MCM8: variants seen among roughly 807,000 people sequenced by gnomAD.
The protein encoded by MCM8 is minichromosome maintenance 8 homologous recombination repair factor.
Under a neutral mutation model 98.9 loss-of-function variants are expected in MCM8, and 85 were observed. That is an observed-to-expected ratio of 0.86 (90% CI 0.72 to 1.03). The LOEUF (loss-of-function observed/expected upper bound fraction) is 1.03, where lower values mean the gene tolerates loss of function less well. Among genes scored for constraint, MCM8 ranks in the 50% least tolerant of loss-of-function variants. The pLI, the probability that MCM8 is intolerant of heterozygous loss-of-function variation, is 0.00. For missense variants in MCM8, 951 were observed against 997.8 expected, an observed-to-expected ratio of 0.95 and a Z score of 0.63; for synonymous variants, 352 against 338.6, an observed-to-expected ratio of 1.04 and a Z score of -0.44.
chr20:5,989,664 G>T (rs933338335), intron 17 of MCM8, among the ~76,000 whole-genome samples: 2 of 152,098 alleles, frequency 1.3e-5, no homozygotes, highest in Non-Finnish European at 2.9e-5. Context: ...TTACCTAGTT[G>T]TCTCTTTGTC....
chr20:5,972,869 A>T, intron 11 of MCM8, 187 bp from the exon 12 acceptor site: 2 of 1,354,150 alleles, frequency 1.5e-6, no homozygotes, highest in Non-Finnish European at 1.9e-6. Flanking sequence ...TATGTTTTCA[A>T]GTTTTTACTT....
chr20:5,962,801 A>G (rs2089182436), intron 7 of MCM8, among the ~76,000 whole-genome samples: 1 of 152,236 alleles, frequency 6.6e-6, no homozygotes, highest in African/African-American at 2.4e-5. Flanking sequence ...TCCAAACACC[A>G]AACAAGTGCC....
chr20:5,990,843 T>C (rs2089836477), intron 17 of MCM8: 2 of 152,200 alleles, frequency 1.3e-5, no homozygotes, highest in South Asian at 4.1e-4. Flanking sequence ...TGACTTACAG[T>C]CTAGAATGTG....
At chr20:5,989,248 C>G (rs945585175) in intron 17 of MCM8, among the ~76,000 whole-genome samples, 2 of 151,730 alleles carry the variant, frequency 1.3e-5, no homozygotes, top group Admixed American at 1.3e-4. Context: ...TCCCATGTAG[C>G]TGGGACTACA....
intron 12 of MCM8, among the ~76,000 whole-genome samples, chr20:5,975,520 G>T (rs12624735): frequency 7.0e-6 from 1 of 142,360 alleles, no homozygotes; most frequent in Non-Finnish European, 1.5e-5. Context: ...TTTTTGAGTC[G>T]GAGTCTCGCT....
intron 17 of MCM8, among the ~76,000 whole-genome samples, chr20:5,992,692 T>C (rs965273316): frequency 2.6e-5 from 4 of 152,176 alleles, no homozygotes; most frequent in African/African-American, 9.6e-5. Flanking sequence ...TATAACCCAT[T>C]AAAATCATTC....
In MCM8 at chr20:5,958,555, G is replaced by A. The variant is rs1728266369; in HGVS notation, c.618G>A (p.Gln206=). The change falls in exon 7 of 19, where the codon CAG becomes CAA. Residue 206 remains glutamine (Q), a synonymous_variant. Coordinates refer to ENST00000610722, the MANE Select transcript of MCM8 (RefSeq NM_032485.6). ...ARVYNYEPLT[Q]LKNVRANYYG... is the part of the protein sequence containing the mutation. ...TGTACAACTATGAGCCTTTGACACA[G>A]CTCAAGAATGTCAGAGCAAATTACT... 1.9e-6 allele frequency: 3 copies of A among 1,614,076 alleles called. No homozygotes were observed. The highest frequency in any genetic ancestry group is 2.5e-6 in the Non-Finnish European group (3 of 1,179,984).
rs372826979 is a variant in MCM8, at chr20:5,963,433, TATTATA to T, written c.875+75_875+80del. The T allele has an allele frequency of 4.7e-3, 4,981 of 1,064,680 alleles. 23 individuals carry two copies. Among genetic ancestry groups the T allele is most frequent in the Middle Eastern group, 7.0e-3 (35 of 5,004 alleles). 66.0% of individuals were successfully genotyped at this position (1,064,680 alleles called of 1,614,324 possible). A position where few individuals can be genotyped will look rare whatever the true frequency, so the allele number is the denominator to read the frequency against. On this transcript the variant is annotated intron_variant, in intron 8 of 18. Transcript: ENST00000610722. ...GTTGAGAAAATCCATAATTTTACTG[TATTATA>T]TTGTACGTTTTATCTAAATGACAAA...
intron 13 of MCM8, among the ~76,000 whole-genome samples, chr20:5,978,598 C>G (rs2089564643): frequency 6.6e-6 from 1 of 152,142 alleles, no homozygotes; most frequent in Non-Finnish European, 1.5e-5. Flanking sequence ...GAGTCTTGCT[C>G]TGTCACCCAG....
chr20:5,975,657 C>T (rs183177624), intron 12 of MCM8, among the ~76,000 whole-genome samples: 18 of 151,874 alleles, frequency 1.2e-4, no homozygotes, highest in East Asian at 1.9e-4. Context: ...CCACCACGCC[C>T]GGCTAATTTT....
rs1473777032 is a variant in MCM8, at chr20:5,963,271, C to A, written c.790-3C>A. Reference sequence around the variant, plus strand: ...GAATGTGAATTACTTTTGTTTCATTCAGTGTCCTGTGCCTGTGTGTCGAGG... The same window carrying A: ...GAATGTGAATTACTTTTGTTTCATTAAGTGTCCTGTGCCTGTGTGTCGAGG... On this transcript the variant is annotated splice_polypyrimidine_tract_variant and splice_region_variant and intron_variant, in intron 7 of 18. Coordinates refer to ENST00000610722, the MANE Select transcript of MCM8 (RefSeq NM_032485.6). 2.5e-6 allele frequency: 4 copies of A among 1,610,866 alleles called. No individual in the cohort carries two copies. Among genetic ancestry groups the A allele is most frequent in the Non-Finnish European group, 3.4e-6 (4 of 1,177,136 alleles).
chr20:5,968,057 A>G (rs533521586), intron 10 of MCM8, 32 bp downstream of exon 10: 4 of 1,564,962 alleles, frequency 2.6e-6, no homozygotes, highest in East Asian at 4.5e-5. Flanking sequence ...ATTTTATTAC[A>G]TAGATGCATG....
At position 5,962,535 on chromosome 20, in the gene MCM8, C is replaced by T. The variant is rs866677304; in HGVS notation, c.790-739C>T. The stretch of plus-strand genomic sequence containing the variant: ...GACTACAGGCGCCCGCCACCGCGCC[C>T]GGCTAATTTTTTGTATTTTTAGTAG... On this transcript the variant is annotated intron_variant, in intron 7 of 18. Transcript: ENST00000610722. Among the ~76,000 whole-genome samples, 126 of 105,920 alleles carry T rather than the reference C, an allele frequency of 1.2e-3. 52 individuals carry two copies. Among genetic ancestry groups the T allele is most frequent in the African/African-American group, 9.4e-3 (118 of 12,570 alleles). The allele number at this position is 105,920 out of a possible 152,430, so 69.5% of individuals were successfully genotyped here.
chr20:5,964,069 T>C (rs1275547354), intron 8 of MCM8, among the ~76,000 whole-genome samples: 4 of 152,172 alleles, frequency 2.6e-5, no homozygotes, highest in Non-Finnish European at 4.4e-5. Context: ...TGTTTCATTT[T>C]ATGTTCTCAA....
rs1290114481 is a variant in MCM8 at position 5,968,210 on chromosome 20, ATAAAT to A, written c.1223+190_1223+194del. On this transcript the variant is annotated intron_variant, in intron 10 of 18. Transcript: ENST00000610722. ...GTTTTTATATTTTTTAATGGTTGAA[ATAAAT>A]TAAAAGAATATTTCACAACACATGA... Among the ~76,000 whole-genome samples, 111 of 152,328 alleles carry A rather than the reference ATAAAT, an allele frequency of 7.3e-4. 1 individual carries two copies. Among genetic ancestry groups the A allele is most frequent in the Admixed American group, 7.1e-3 (109 of 15,300 alleles).
chr20:5,983,503 C>G (rs939078259), intron 14 of MCM8, among the ~76,000 whole-genome samples: 2 of 152,134 alleles, frequency 1.3e-5, no homozygotes, highest in African/African-American at 4.8e-5. Flanking sequence ...AGTTTGAGAA[C>G]AGCCTGGCCA....
chr20:5,952,385 C>G, intron 2 of MCM8, 39 bp from the exon 3 acceptor site: 1 of 1,597,560 alleles, frequency 6.3e-7, no homozygotes, highest in Non-Finnish European at 8.6e-7. Flanking sequence ...GAAAAATGTT[C>G]ACTCTGTTTC....
intron 12 of MCM8, 51 bp from the exon 13 acceptor site, chr20:5,977,825 A>AT (rs1177273314): frequency 6.2e-7 from 1 of 1,600,398 alleles, no homozygotes; most frequent in Non-Finnish European, 8.5e-7. Flanking sequence ...GCTGTTAGCT[A>AT]TTACTTCCCT....
rs754498241 is a variant in MCM8 at position 5,984,793 on chromosome 20, A to T, written c.1746A>T (p.Ala582=). ...TVSENLKMGS[A]LLSRFDLVFI... is the part of the protein sequence containing the mutation. Reference sequence around the variant, plus strand: ...TCATCCTTCATAGAATGGGGAGTGCACTACTATCCAGATTTGATTTGGTCT... The same window carrying T: ...TCATCCTTCATAGAATGGGGAGTGCTCTACTATCCAGATTTGATTTGGTCT... The change falls in exon 15 of 19, where the codon GCA becomes GCT. Residue 582 remains alanine, a synonymous_variant. Coordinates refer to ENST00000610722, the MANE Select transcript of MCM8 (RefSeq NM_032485.6). 6.2e-7 allele frequency: 1 copy of T among 1,611,744 alleles called. No individual in the cohort carries two copies. Among genetic ancestry groups the T allele is most frequent in the Admixed American group, 1.7e-5 (1 of 59,980 alleles).
Sources: allele counts gnomAD v4.1 joint callset (sites outside exome capture counted in the v4.1 genomes callset), GRCh38; gene constraint gnomAD v4.1.1; transcripts MANE v1.5; gene names NCBI Gene and HGNC (gene_info 2026-07-23, HGNC 2026-07-21).